The following ELP3 variants were observed in gnomAD, a reference collection of about 807,000 sequenced individuals.
ELP3 encodes elongator acetyltransferase complex subunit 3.
A neutral mutation model predicts 74.9 loss-of-function variants in ELP3; 56 were observed. That is an observed-to-expected ratio of 0.75 (90% CI 0.60 to 0.93). The LOEUF (loss-of-function observed/expected upper bound fraction) is 0.93. Ranked by LOEUF, ELP3 falls within the 40% of genes least tolerant of loss-of-function variation. The pLI is 0.00. For synonymous variants in ELP3, 222 were observed against 239.8 expected (o/e 0.93, Z 0.68); for missense variants, 573 against 686.5 (o/e 0.83, Z 1.85).
At chr8:28,170,712 A>G (rs1814490084) in intron 14 of ELP3, among the ~76,000 whole-genome samples, 1 of 152,094 alleles carries the variant, frequency 6.6e-6, no homozygotes, top group Non-Finnish European at 1.5e-5. Flanking sequence ...AATTTTTTTC[A>G]TTTGGGGAGT....
chr8:28,129,488 G>T lies in ELP3; in HGVS notation c.618-14G>T. 6.2e-7 allele frequency: 1 copy of T among 1,613,818 alleles called. No homozygotes were observed. The highest frequency in any genetic ancestry group is 1.1e-5 in the South Asian group (1 of 91,038). The stretch of plus-strand genomic sequence containing the variant: ...AACCTGCAACAGGTTAATTATTTTA[G>T]ATTTGCTCTACAGGTATTCTGAGAG... On this transcript the variant is annotated splice_polypyrimidine_tract_variant and intron_variant, in intron 7 of 14. Coordinates refer to ENST00000256398, the MANE Select transcript of ELP3 (RefSeq NM_018091.6).
At chr8:28,185,599 T>G (rs1330199740) in intron 14 of ELP3, among the ~76,000 whole-genome samples, 2 of 152,192 alleles carry the variant, frequency 1.3e-5, no homozygotes, top group African/African-American at 4.8e-5. Context: ...GAATTCTGGC[T>G]TCTTTGTAGA....
intron 10 of ELP3, among the ~76,000 whole-genome samples, chr8:28,153,124 G>A (rs1166549367): frequency 6.6e-6 from 1 of 152,138 alleles, no homozygotes; most frequent in Non-Finnish European, 1.5e-5. Flanking sequence ...GAAAATCCTT[G>A]TGGGGTTTAC....
At chr8:28,106,496 C>T (rs1358105896) in intron 3 of ELP3, among the ~76,000 whole-genome samples, 1 of 147,460 alleles carries the variant, frequency 6.8e-6, no homozygotes, top group East Asian at 2.0e-4. Flanking sequence ...GCCGAGATCC[C>T]GCCACTGCAC....
intron 7 of ELP3, among the ~76,000 whole-genome samples, chr8:28,126,498 C>T (rs1301219346): frequency 1.3e-5 from 2 of 152,098 alleles, no homozygotes; most frequent in South Asian, 2.1e-4. Flanking sequence ...ACCTGTAATA[C>T]CACAAAAAGA....
intron 8 of ELP3, among the ~76,000 whole-genome samples, chr8:28,130,386 A>G (rs375469898): frequency 6.6e-6 from 1 of 152,196 alleles, no homozygotes. Context: ...GGTAGGTGTG[A>G]TTGGTGTTGT....
chr8:28,164,214 G>A (rs898817790), intron 14 of ELP3, among the ~76,000 whole-genome samples: 18 of 152,116 alleles, frequency 1.2e-4, no homozygotes, highest in African/African-American at 4.3e-4. Context: ...ATATCCAATT[G>A]CTCATAAGAG....
intron 1 of ELP3, among the ~76,000 whole-genome samples, 185 bp from the exon 2 acceptor site, chr8:28,097,034 C>T (rs1415538624): frequency 2.6e-5 from 4 of 152,010 alleles, no homozygotes; most frequent in Middle Eastern, 3.2e-3. Flanking sequence ...TGTAAAGCCA[C>T]GTTTGTTTTA....
chr8:28,145,068 G>A lies in ELP3; in HGVS notation c.1100+7177G>A, dbSNP rs141035115. Reference sequence around the variant, plus strand: ...AAAAAATAAAATAAAAAAGAAACCTGTATCAAAAGCTAGATAGTAAAATTT... The same window carrying A: ...AAAAAATAAAATAAAAAAGAAACCTATATCAAAAGCTAGATAGTAAAATTT... On this transcript the variant is annotated intron_variant, in intron 10 of 14. Transcript: ENST00000256398. Among the ~76,000 whole-genome samples the A allele has an allele frequency of 2.0e-5, 3 of 152,042 alleles. No homozygotes were observed. In the East Asian group the frequency reaches 5.8e-4, roughly 29 times the overall value.
Position 28,150,943 on chromosome 8 carries a change from G to C in ELP3, c.1101-4999G>C, listed in dbSNP as rs900962353. 2.0e-4 allele frequency among the ~76,000 whole-genome samples: 30 copies of C among 152,072 alleles called. 1 individual carries two copies. On this transcript the variant is annotated intron_variant, in intron 10 of 14. Transcript: ENST00000256398. ...CAAATAATCGGGACTACAGGCATGT[G>C]CCTCCGTTTTTTGTGGGGATGTGGT... is the stretch of plus-strand genomic sequence containing the variant.
intron 13 of ELP3, 103 bp from the exon 14 acceptor site, chr8:28,161,894 G>C: frequency 8.9e-7 from 1 of 1,120,712 alleles, no homozygotes; most frequent in Non-Finnish European, 1.3e-6. Context: ...ACTCTTAACA[G>C]ATTTTAGCAA....
intron 10 of ELP3, among the ~76,000 whole-genome samples, chr8:28,148,544 A>G (rs1223240533): frequency 6.6e-6 from 1 of 152,222 alleles, no homozygotes; most frequent in African/African-American, 2.4e-5. Context: ...CTAACTGGAT[A>G]CCATTAAGTA....
At chr8:28,165,237 C>T (rs1814261786) in intron 14 of ELP3, among the ~76,000 whole-genome samples, 1 of 152,184 alleles carries the variant, frequency 6.6e-6, no homozygotes. Context: ...TAGTTCTCAG[C>T]ATGACCAATT....
Position 28,110,419 on chromosome 8 carries a change from C to T in ELP3, c.443C>T (p.Thr148Ile). The change falls in exon 6 of 15, where the codon ACA becomes ATA. Residue 148 changes from threonine to isoleucine, a missense_variant. Thr to Ile is a moderately conservative substitution (Grantham distance 89). Coordinates refer to ENST00000256398, the MANE Select transcript of ELP3 (RefSeq NM_018091.6). Reference sequence around the variant, plus strand: ...GCCAGATATGACCCTTTCCTACAGACAAGACACCGAATAGAACAGGTACAT... The same window carrying T: ...GCCAGATATGACCCTTTCCTACAGATAAGACACCGAATAGAACAGGTACAT... ...IRARYDPFLQ[T>I]RHRIEQLKQL... The T allele has an allele frequency of 6.2e-7, 1 of 1,613,580 alleles. No individual in the cohort carries two copies.
chr8:28,129,710 C>G, intron 8 of ELP3, 47 bp downstream of exon 8: 1 of 1,607,862 alleles, frequency 6.2e-7, no homozygotes, highest in Non-Finnish European at 8.5e-7. Context: ...TCCAAGTTCA[C>G]CATTTTCTCT....
intron 7 of ELP3, among the ~76,000 whole-genome samples, chr8:28,121,679 A>G (rs536920061): frequency 6.6e-6 from 1 of 152,344 alleles, no homozygotes; most frequent in South Asian, 2.1e-4. Context: ...TGATTTTTAT[A>G]TATTAATGTT....
chr8:28,129,222 A>G (rs1812698228), intron 7 of ELP3: 1 of 281,036 alleles, frequency 3.6e-6, no homozygotes, highest in Admixed American at 4.7e-5. Flanking sequence ...GATGATAATA[A>G]CATTACTATG....
At chr8:28,097,460 CTTTT>C in intron 2 of ELP3, 142 bp downstream of exon 2, 2 of 443,938 alleles carry the variant, frequency 4.5e-6, no homozygotes, top group Non-Finnish European at 8.0e-6. Context: ...TCATTCATTT[CTTTT>C]TTTTTTTTTG....
At chr8:28,105,671 T>C (rs992212231) in intron 3 of ELP3, among the ~76,000 whole-genome samples, 1 of 152,246 alleles carries the variant, frequency 6.6e-6, no homozygotes, top group Non-Finnish European at 1.5e-5. Flanking sequence ...CAGTCTACCA[T>C]ATGTTGAACA....
Sources: gnomAD v4.1 joint callset for allele counts (sites outside exome capture counted in the v4.1 genomes callset) on GRCh38, gnomAD v4.1.1 for gene constraint, MANE v1.5 for transcripts, NCBI Gene and HGNC (gene_info 2026-07-23, HGNC 2026-07-21) for gene names.